The following SYNM variants were observed in gnomAD, a reference collection of about 807,000 sequenced individuals.
The protein encoded by SYNM is desmuslin.
A neutral mutation model predicts 104.0 loss-of-function variants in SYNM; 95 were observed. The observed-to-expected ratio is 0.91, with a 90% CI of 0.77 to 1.08. The LOEUF (loss-of-function observed/expected upper bound fraction) is 1.08, where lower values mean the gene tolerates loss of function less well. Among genes scored for constraint, SYNM ranks in the 50% least tolerant of loss-of-function variants. The pLI is 0.00. For synonymous variants in SYNM, 918 were observed against 869.0 expected, an observed-to-expected ratio of 1.06 and a Z score of -0.99; for missense variants, 2,150 against 2,052.2, an observed-to-expected ratio of 1.05 and a Z score of -0.92.
Position 99,133,079 on chromosome 15 carries a change from T to C in SYNM, c.*21T>C. 1 of 1,608,904 alleles carries C rather than the reference T, an allele frequency of 6.2e-7. No homozygotes were observed. Among genetic ancestry groups the C allele is most frequent in the African/African-American group, 1.3e-5 (1 of 75,040 alleles). On this transcript the variant is annotated 3_prime_UTR_variant, in exon 4 of 4. Coordinates refer to ENST00000336292, the MANE Select transcript of SYNM (RefSeq NM_145728.3). Reference sequence around the variant, plus strand: ...TTTAATAAGCAGAAACATTTTGTTTTAATGGCAGCCTGTTGGCGACGTGCC... The same window carrying C: ...TTTAATAAGCAGAAACATTTTGTTTCAATGGCAGCCTGTTGGCGACGTGCC...
chr15:99,115,972 C>T (rs2151801866), intron 2 of SYNM, among the ~76,000 whole-genome samples: 1 of 152,340 alleles, frequency 6.6e-6, no homozygotes, highest in African/African-American at 2.4e-5. Flanking sequence ...ATCAGGCAGC[C>T]CCTGGCCTGG....
chr15:99,139,798 TTTTATTAA>T, downstream of SYNM: 1 of 1,242,562 alleles, frequency 8.0e-7, no homozygotes, highest in Non-Finnish European at 1.1e-6. Context: ...CATACTCTAC[TTTTATTAA>T]TATATAGGCT....
At position 99,105,613 on chromosome 15, in the gene SYNM, G is replaced by A. The variant is rs1437721713; in HGVS notation, c.414G>A (p.Gln138=). 4 of 1,270,306 alleles carry A rather than the reference G, an allele frequency of 3.1e-6. No homozygotes were observed. The highest frequency in any genetic ancestry group is 4.0e-6 in the Non-Finnish European group (4 of 1,008,352). The allele number at this position is 1,270,306 out of a possible 1,614,324, so 78.7% of individuals were successfully genotyped here. The change falls in exon 1 of 4, where the codon CAG becomes CAA. Residue 138 remains glutamine (Q), a synonymous_variant. Transcript: ENST00000336292. ...TCGAGGCGCTGCTGGGCCGGCTGCAGGCCGAGCGCCGAGGCCTCGACGCGG... is the reference window on the plus strand; with the variant it reads ...TCGAGGCGCTGCTGGGCCGGCTGCAAGCCGAGCGCCGAGGCCTCGACGCGG... ...AALEALLGRL[Q]AERRGLDAAH...
intron 1 of SYNM, among the ~76,000 whole-genome samples, chr15:99,108,161 T>TA (rs1334799825): frequency 7.9e-5 from 12 of 152,016 alleles, no homozygotes; most frequent in African/African-American, 2.4e-4. Flanking sequence ...TTTTAGTAGA[T>TA]ACAGGGTTTC....
chr15:99,118,972 A>G (rs1231015444), intron 2 of SYNM, among the ~76,000 whole-genome samples: 1 of 152,250 alleles, frequency 6.6e-6, no homozygotes, highest in African/African-American at 2.4e-5. Context: ...CCCTGCCTGC[A>G]GCTGGCACCA....
In SYNM at chr15:99,133,285, T is replaced by C. The variant is rs1216271237; in HGVS notation, c.*227T>C. On this transcript the variant is annotated 3_prime_UTR_variant, in exon 4 of 4. Coordinates refer to ENST00000336292, the MANE Select transcript of SYNM (RefSeq NM_145728.3). Reference sequence around the variant, plus strand: ...AATTTTATTTTTGAGTTGGGACTTTTACAAAACACTTTTTTCCCTGGAGTC... The same window carrying C: ...AATTTTATTTTTGAGTTGGGACTTTCACAAAACACTTTTTTCCCTGGAGTC... 4 of 854,040 alleles carry C rather than the reference T, an allele frequency of 4.7e-6. No homozygotes were observed. The East Asian group carries it at 1.3e-4, about 27-fold the overall frequency. The allele number at this position is 854,040 out of a possible 1,614,324, so 52.9% of individuals were successfully genotyped here.
Position 99,105,361 on chromosome 15 carries a change from C to G in SYNM, c.162C>G (p.Ala54=), listed in dbSNP as rs1555482371. 1 of 1,532,820 alleles carries G rather than the reference C, an allele frequency of 6.5e-7. No individual in the cohort carries two copies. Among genetic ancestry groups the G allele is most frequent in the East Asian group, 2.5e-5 (1 of 40,428 alleles). 95.0% of individuals were successfully genotyped at this position (1,532,820 alleles called of 1,614,324 possible). A position where few individuals can be genotyped will look rare whatever the true frequency, so the allele number is the denominator to read the frequency against. The part of the protein sequence containing the change: ...RGRRGREGLW[A]EGQARCAEEA... ...GGCGCGGGCGAGAGGGCCTGTGGGCCGAGGGGCAGGCCCGCTGCGCCGAGG... is the reference window on the plus strand; with the variant it reads ...GGCGCGGGCGAGAGGGCCTGTGGGCGGAGGGGCAGGCCCGCTGCGCCGAGG... The change falls in exon 1 of 4, where the codon GCC becomes GCG. Residue 54 remains alanine, a synonymous_variant. Transcript: ENST00000336292.
At position 99,130,920 on chromosome 15, in the gene SYNM, C is replaced by T. The variant is rs1555485708; in HGVS notation, c.2560C>T (p.His854Tyr). 1 of 1,613,810 alleles carries T rather than the reference C, an allele frequency of 6.2e-7. No homozygotes were observed. The highest frequency in any genetic ancestry group is 1.7e-5 in the Admixed American group (1 of 60,006). Residue 854 changes from histidine (H) to tyrosine (Y), a missense_variant, in exon 4 of 4, where the codon CAC becomes TAC. His to Tyr is a moderately conservative substitution (Grantham distance 83, BLOSUM62 2). Coordinates refer to ENST00000336292, the MANE Select transcript of SYNM (RefSeq NM_145728.3). ...RDDGSVYGQIHIEEESTIRYS... is the reference protein window; with the variant it reads ...RDDGSVYGQIYIEEESTIRYS... ...TGACGGCTCGGTGTACGGGCAGATC[C>T]ACATCGAGGAGGAATCCACCATCAG... is the stretch of plus-strand genomic sequence containing the variant.
rs1555486602 is a variant in SYNM at position 99,135,582 on chromosome 15, G to A, written c.*2524G>A. ...AGAATGTGCAAAAATAAAAATCTGA[G>A]GAAAAAACCCACATTGTTCCTAAAG... is the stretch of plus-strand genomic sequence containing the variant. On this transcript the variant is annotated 3_prime_UTR_variant, in exon 4 of 4. Transcript: ENST00000336292. 6.6e-6 allele frequency: 1 copy of A among 152,516 alleles called. No individual in the cohort carries two copies. Among genetic ancestry groups the A allele is most frequent in the African/African-American group, 2.4e-5 (1 of 41,418 alleles). 9.4% of individuals were successfully genotyped at this position (152,516 alleles called of 1,614,324 possible).
At position 99,126,780 on chromosome 15, in the gene SYNM, A is replaced by G; in HGVS notation, c.994A>G (p.Asn332Asp). Residue 332 changes from asparagine to aspartate, a missense_variant, in exon 3 of 4, where the codon AAC becomes GAC. By Grantham distance (23) the Asn-to-Asp change is conservative. Transcript: ENST00000336292. Reference protein sequence around the residue: ...EIVIWAEHVENMPSEFRNKSY... With the variant: ...EIVIWAEHVEDMPSEFRNKSY... ...AGTGATCTGGGCTGAGCACGTTGAAAACATGCCGTCAGGTAAGTAAAAGCT... is the reference window on the plus strand; with the variant it reads ...AGTGATCTGGGCTGAGCACGTTGAAGACATGCCGTCAGGTAAGTAAAAGCT... The G allele has an allele frequency of 6.4e-7, 1 of 1,572,954 alleles. No homozygotes were observed. Among genetic ancestry groups the G allele is most frequent in the Non-Finnish European group, 8.6e-7 (1 of 1,158,148 alleles).
Position 99,129,323 on chromosome 15 carries a change from A to T in SYNM, c.1007-44A>T. On this transcript the variant is annotated intron_variant, in intron 3 of 3. Transcript: ENST00000336292. Reference sequence around the variant, plus strand: ...CAATGCTTGTAGATGGAAAAGGGTAATGATGACTGTCATTTTAATGAATGC... The same window carrying T: ...CAATGCTTGTAGATGGAAAAGGGTATTGATGACTGTCATTTTAATGAATGC... The T allele has an allele frequency of 5.6e-6, 9 of 1,595,840 alleles. No individual in the cohort carries two copies. In the South Asian group the frequency reaches 1.0e-4, roughly 18 times the overall value.
rs1555485936 is a variant in SYNM, at chr15:99,131,617, C to T, written c.3257C>T (p.Ala1086Val). The T allele has an allele frequency of 2.5e-6, 4 of 1,610,324 alleles. No individual in the cohort carries two copies. The highest frequency in any genetic ancestry group is 1.1e-5 in the South Asian group (1 of 90,944). ...GGCGAGAGCGAGGTTGCTGGTGGGGCCTCTCACAGCTCGGGACAGCGCACT... is the reference window on the plus strand; with the variant it reads ...GGCGAGAGCGAGGTTGCTGGTGGGGTCTCTCACAGCTCGGGACAGCGCACT... Reference protein sequence around the residue: ...PSGESEVAGGASHSSGQRTPQ... With the variant: ...PSGESEVAGGVSHSSGQRTPQ... The change falls in exon 4 of 4, where the codon GCC (alanine) becomes GTC (valine). Residue 1086 changes from alanine to valine, a missense_variant. By Grantham distance (64) the Ala-to-Val change is moderately conservative. Transcript: ENST00000336292. This position sits in a 1 kb window ranked among gnomAD's most constrained non-coding sequence, Gnocchi z 4.3.
intron 2 of SYNM, among the ~76,000 whole-genome samples, chr15:99,121,510 C>T (rs114808938): frequency 0.018 from 2,745 of 152,256 alleles, 84 homozygotes; most frequent in African/African-American, 0.062. Flanking sequence ...CAGGCTAGCA[C>T]AGAGTCGGTA....
rs782238338 is a variant in SYNM, at chr15:99,105,275, G to A, written c.76G>A (p.Val26Met). 4 of 1,559,030 alleles carry A rather than the reference G, an allele frequency of 2.6e-6. No individual in the cohort carries two copies. The highest frequency in any genetic ancestry group is 1.9e-5 in the Admixed American group (1 of 52,296). Reference protein sequence around the residue: ...QELNARLYDYVCRVRELEREN... With the variant: ...QELNARLYDYMCRVRELEREN... ...GCTCAACGCCCGGCTCTATGACTACGTGTGTCGGGTGCGGGAGCTGGAGCG... is the reference window on the plus strand; with the variant it reads ...GCTCAACGCCCGGCTCTATGACTACATGTGTCGGGTGCGGGAGCTGGAGCG... The change falls in exon 1 of 4, where the codon GTG (valine) becomes ATG (methionine). Residue 26 changes from valine to methionine, a missense_variant. Transcript: ENST00000336292.
downstream of SYNM, chr15:99,139,867 T>C: frequency 5.2e-6 from 4 of 765,218 alleles, no homozygotes; most frequent in East Asian, 1.3e-4. Context: ...GAACCAAATA[T>C]TCAGCTTATG....
At chr15:99,141,310 C>T in the SYNM span, among the ~76,000 whole-genome samples, 21,969 of 151,692 alleles carry the variant, frequency 0.14, 1,632 homozygotes, top group Admixed American at 0.16. Context: ...AAAAAGAAAA[C>T]GACAGATGAA....
downstream of SYNM, chr15:99,139,480 A>G: frequency 6.3e-7 from 1 of 1,593,736 alleles, no homozygotes; most frequent in East Asian, 2.3e-5. Flanking sequence ...TGAATGAGAG[A>G]AAGATGACCT....
intron 2 of SYNM, among the ~76,000 whole-genome samples, chr15:99,115,768 A>G (rs1237293027): frequency 2.6e-5 from 4 of 152,200 alleles, no homozygotes; most frequent in African/African-American, 2.4e-5. Context: ...GGCCCTGATC[A>G]GGATTTTTTG....
chr15:99,130,887 GAC>G lies in SYNM; in HGVS notation c.2529_2530del (p.Asp843GlufsTer3). ...STPDEHPGGH[D>X]RDDGSVYGQI... ...TCCAGATGAACACCCCGGGGGGCAC[GAC>G]AGAGATGACGGCTCGGTGTACGGGC... On this transcript the variant is annotated frameshift_variant, in exon 4 of 4. Transcript: ENST00000336292. LOFTEE classifies it high-confidence loss of function. The G allele has an allele frequency of 1.2e-6, 2 of 1,613,928 alleles. No individual in the cohort carries two copies. Among genetic ancestry groups the G allele is most frequent in the Non-Finnish European group, 1.7e-6 (2 of 1,179,874 alleles).
Sources: allele counts gnomAD v4.1 joint callset (sites outside exome capture counted in the v4.1 genomes callset), GRCh38; gene constraint gnomAD v4.1.1; non-coding constraint Gnocchi (gnomAD v3.1); transcripts MANE v1.5; gene names NCBI Gene and HGNC (gene_info 2026-07-23, HGNC 2026-07-21).